NFASC: variants seen among roughly 807,000 people sequenced by gnomAD.
NFASC encodes the protein neurofascin, also known as neurofascin homolog.
In NFASC, 43 loss-of-function variants were observed where a neutral mutation model predicts 147.5. The observed-to-expected ratio is 0.29, with a 90% CI of 0.23 to 0.38. The LOEUF is 0.38. NFASC is among the 10% of genes least tolerant of loss of function. The pLI is 1.00. For synonymous variants in NFASC, 622 were observed against 665.5 expected, an observed-to-expected ratio of 0.93 and a Z score of 1.01; for missense variants, 1,320 against 1,689.0, an observed-to-expected ratio of 0.78 and a Z score of 3.83.
intron 2 of NFASC, among the ~76,000 whole-genome samples, chr1:204,922,484 A>G (rs1434687506): frequency 6.6e-6 from 1 of 152,170 alleles, no homozygotes; most frequent in Non-Finnish European, 1.5e-5. Flanking sequence ...GTTTCCATTT[A>G]CATTAATTGT....
intron 1 of NFASC, among the ~76,000 whole-genome samples, chr1:204,900,150 G>A (rs1195697540): frequency 6.6e-6 from 1 of 152,154 alleles, no homozygotes; most frequent in Non-Finnish European, 1.5e-5. Context: ...AAAATGAAAA[G>A]TTTATTAAAA....
intron 1 of NFASC, among the ~76,000 whole-genome samples, chr1:204,897,219 G>T (rs940098369): frequency 6.6e-6 from 1 of 152,162 alleles, no homozygotes; most frequent in African/African-American, 2.4e-5. Flanking sequence ...CTGAGGAAGT[G>T]ACTTTTAAGC....
Position 204,991,353 on chromosome 1 carries a change from AG to A in NFASC, c.2782+49del, listed in dbSNP as rs753046311. 7.5e-6 allele frequency: 12 copies of A among 1,600,686 alleles called. No homozygotes were observed. The South Asian group carries it at 1.3e-4, about 18-fold the overall frequency. On this transcript the variant is annotated intron_variant, in intron 24 of 29. Coordinates refer to ENST00000339876, the MANE Select transcript of NFASC (RefSeq NM_001005388.3). ...TAATGGGCATGGCATGGGGCAGCGC[AG>A]GCGGAGCCCAGCCCAGCCAGGGCGG...
In NFASC at chr1:204,975,422, T is replaced by C. The variant is rs1446631715; in HGVS notation, c.1706+4T>C. The C allele has an allele frequency of 1.2e-6, 2 of 1,607,610 alleles. No homozygotes were observed. The highest frequency in any genetic ancestry group is 4.5e-5 in the East Asian group (2 of 44,674). ...AGCCGCTCTATATTGGAAACAGGTT[T>C]CTCTTCCCCCTTCCCCCTTCCTAGT... is the stretch of plus-strand genomic sequence containing the variant. On this transcript the variant is annotated splice_donor_region_variant and intron_variant, in intron 15 of 29. Transcript: ENST00000339876. The surrounding 1 kb of genome is among the most constrained non-coding windows in gnomAD (Gnocchi z 4.0).
chr1:204,889,076 C>T (rs891916004), intron 1 of NFASC, among the ~76,000 whole-genome samples: 9 of 152,322 alleles, frequency 5.9e-5, no homozygotes, highest in East Asian at 3.9e-4. Context: ...AGGGCAAGAA[C>T]GACCAGGCTT....
intron 2 of NFASC, among the ~76,000 whole-genome samples, chr1:204,934,167 A>ACTT (rs2092635310): frequency 6.6e-6 from 1 of 150,986 alleles, no homozygotes; most frequent in African/African-American, 2.4e-5. Flanking sequence ...GATGAGAGAA[A>ACTT]CTTGAAGATG....
At chr1:204,962,189 C>A (rs1177337968) in intron 8 of NFASC, 1 of 1,590,672 alleles carries the variant, frequency 6.3e-7, no homozygotes, top group Non-Finnish European at 8.6e-7. Context: ...TGGGAGTAAC[C>A]TTGCCTGTGC....
chr1:204,960,401 G>A (rs879326275), intron 8 of NFASC, among the ~76,000 whole-genome samples: 1 of 152,200 alleles, frequency 6.6e-6, no homozygotes, highest in Non-Finnish European at 1.5e-5. Flanking sequence ...GCTGTAACAG[G>A]TGCTGGGTGC....
In NFASC at chr1:204,859,754, C is replaced by T. The variant is rs538834312; in HGVS notation, c.-200+30972C>T. 2.0e-5 allele frequency among the ~76,000 whole-genome samples: 3 copies of T among 152,292 alleles called. No individual in the cohort carries two copies. In the South Asian group the frequency reaches 6.2e-4, roughly 32 times the overall value. ...GTAACAACTAGTAAGGGATCTGGGC[C>T]TAAAATAACCATTTAAGACTTAATG... On this transcript the variant is annotated intron_variant, in intron 1 of 29. Transcript: ENST00000339876.
At chr1:204,935,916 ATCTT>A (rs748154808) in intron 2 of NFASC, among the ~76,000 whole-genome samples, 2 of 152,010 alleles carry the variant, frequency 1.3e-5, no homozygotes, top group African/African-American at 2.4e-5. Flanking sequence ...CTCCCACACT[ATCTT>A]TATGTCAGTC....
intron 1 of NFASC, among the ~76,000 whole-genome samples, chr1:204,898,027 C>T (rs2083734726): frequency 6.6e-6 from 1 of 152,170 alleles, no homozygotes; most frequent in Non-Finnish European, 1.5e-5. Flanking sequence ...CGTAAGCCAC[C>T]GCACCAAGCC....
In NFASC at chr1:205,016,254, A is replaced by T; in HGVS notation, c.3492-54A>T. On this transcript the variant is annotated intron_variant, in intron 29 of 29. Transcript: ENST00000339876. The surrounding 1 kb of genome is among the most constrained non-coding windows in gnomAD (Gnocchi z 5.1). ...GCTGTGTAGGGCATGTGCTGGCAGG[A>T]GGCCAGCTGCCCCATCTCACCCCAC... 8.0e-7 allele frequency: 1 copy of T among 1,244,884 alleles called. No homozygotes were observed. The highest frequency in any genetic ancestry group is 1.5e-5 in the African/African-American group (1 of 67,808). 77.1% of individuals were successfully genotyped at this position (1,244,884 alleles called of 1,614,324 possible).
chr1:204,858,828 C>G (rs770882210), intron 1 of NFASC, among the ~76,000 whole-genome samples: 2 of 152,150 alleles, frequency 1.3e-5, no homozygotes, highest in Non-Finnish European at 2.9e-5. Context: ...CCTGACTCTT[C>G]TTTCTGGAAA....
intron 3 of NFASC, among the ~76,000 whole-genome samples, chr1:204,949,398 G>A (rs1419210660): frequency 6.6e-6 from 1 of 152,194 alleles, no homozygotes; most frequent in Non-Finnish European, 1.5e-5. Context: ...CCATGGCTTT[G>A]CCCTGATGCT....
Position 205,009,631 on chromosome 1 carries a change from G to A in NFASC, c.3364G>A (p.Val1122Met), listed in dbSNP as rs753659445. ...IGLMCAIALL[V>M]LILLIVCFIK... is the part of the protein sequence containing the mutation. Reference sequence around the variant, plus strand: ...GCTTATGTGCGCCATCGCCCTCCTGGTGCTGATCCTGCTCATCGTCTGTTT... The same window carrying A: ...GCTTATGTGCGCCATCGCCCTCCTGATGCTGATCCTGCTCATCGTCTGTTT... The change falls in exon 28 of 30, where the codon GTG becomes ATG. Residue 1122 changes from valine (V) to methionine (M), a missense_variant. By Grantham distance (21) the Val-to-Met change is conservative. Around this residue, in one of 3 missense-constraint regions of NFASC, gnomAD observed 167 missense variants for 233.8 expected, o/e 0.71. Transcript: ENST00000339876. 3 of 1,614,164 alleles carry A rather than the reference G, an allele frequency of 1.9e-6. No homozygotes were observed. Among genetic ancestry groups the A allele is most frequent in the Middle Eastern group, 3.3e-4 (2 of 6,062 alleles).
chr1:204,833,648 C>A (rs2102375236), intron 1 of NFASC, among the ~76,000 whole-genome samples: 1 of 152,294 alleles, frequency 6.6e-6, no homozygotes. Flanking sequence ...ACAGGTAAAA[C>A]ACCTTGAGAA....
intron 2 of NFASC, among the ~76,000 whole-genome samples, chr1:204,931,444 G>T (rs1256985178): frequency 6.6e-6 from 1 of 152,154 alleles, no homozygotes; most frequent in African/African-American, 2.4e-5. Flanking sequence ...TTTTGCATTG[G>T]CTCTGTTGGG....
intron 3 of NFASC, among the ~76,000 whole-genome samples, chr1:204,945,210 A>G (rs2093640229): frequency 6.6e-6 from 1 of 152,144 alleles, no homozygotes; most frequent in Non-Finnish European, 1.5e-5. Context: ...GGTGTGTGCC[A>G]CCTTTACCAC....
At position 205,016,985 on chromosome 1, in the gene NFASC, A is replaced by C. The variant is rs532009268; in HGVS notation, c.*446A>C. 4.1e-5 allele frequency: 12 copies of C among 295,976 alleles called. No individual in the cohort carries two copies. The highest frequency in any genetic ancestry group is 4.0e-4 in the South Asian group (12 of 30,102). 18.3% of individuals were successfully genotyped at this position (295,976 alleles called of 1,614,324 possible). On this transcript the variant is annotated 3_prime_UTR_variant, in exon 30 of 30. Transcript: ENST00000339876. The surrounding 1 kb of genome is among the most constrained non-coding windows in gnomAD (Gnocchi z 5.1). ...GAAAAAGAGTCCCTGGAAAAGAAAG[A>C]ATAAGTGGATTCTCCCCCAGGAGAA...
Sources: allele counts gnomAD v4.1 joint callset (sites outside exome capture counted in the v4.1 genomes callset), GRCh38; gene constraint gnomAD v4.1.1; regional missense constraint gnomAD v4.1.1; non-coding constraint Gnocchi (gnomAD v3.1); transcripts MANE v1.5; gene names NCBI Gene and HGNC (gene_info 2026-07-23, HGNC 2026-07-21).